Variants in MSH6 observed in about 807,000 individuals in gnomAD.
MSH6 encodes mutS homolog 6.
Under a neutral mutation model 119.1 loss-of-function variants are expected in MSH6, and 85 were observed. The observed-to-expected ratio is 0.71, with a 90% CI of 0.60 to 0.85. The LOEUF is 0.85. MSH6 is among the 40% of genes least tolerant of loss of function. The probability of loss-of-function intolerance (pLI) is 0.00; values close to 1 mark genes in which losing one functional copy is unlikely to be tolerated. For synonymous variants in MSH6, 830 were observed against 586.9 expected (o/e 1.41, Z -5.99); for missense variants, 2,163 against 1,655.3 (o/e 1.31, Z -5.32).
chr2:47,794,698 A>G (rs1489848221), intron 2 of MSH6, among the ~76,000 whole-genome samples: 1 of 152,116 alleles, frequency 6.6e-6, no homozygotes, highest in African/African-American at 2.4e-5. Context: ...TTATTCTTTT[A>G]TTTATTTAGA....
Position 47,806,221 on chromosome 2 carries a change from T to G in MSH6, c.3664T>G (p.Phe1222Val), listed in dbSNP as rs775265464. Residue 1222 changes from phenylalanine (F) to valine (V), a missense_variant, in exon 8 of 10, where the codon TTT becomes GTT. Coordinates refer to ENST00000234420, the MANE Select transcript of MSH6 (RefSeq NM_000179.3). ...TTTAACAGGAAGAGGTACTGCAACATTTGATGGGACGGCAATAGCAAATGC... is the reference window on the plus strand; with the variant it reads ...TTTAACAGGAAGAGGTACTGCAACAGTTGATGGGACGGCAATAGCAAATGC... ...VDELGRGTAT[F>V]DGTAIANAVV... 1 of 1,614,086 alleles carries G rather than the reference T, an allele frequency of 6.2e-7. No individual in the cohort carries two copies. The highest frequency in any genetic ancestry group is 8.5e-7 in the Non-Finnish European group (1 of 1,179,974).
intron 2 of MSH6, among the ~76,000 whole-genome samples, chr2:47,793,751 A>G (rs1668900344): frequency 1.3e-5 from 2 of 150,048 alleles, no homozygotes; most frequent in African/African-American, 4.9e-5. Flanking sequence ...TTTTTTTTGC[A>G]GCGGAGTCCA....
chr2:47,808,849 T>G, downstream of MSH6: 1 of 271,200 alleles, frequency 3.7e-6, no homozygotes, highest in Non-Finnish European at 6.9e-6. Flanking sequence ...CATTAGGTTT[T>G]TCCATAGTTA....
rs1558661621 is a variant in MSH6, at chr2:47,799,403, G to C, written c.1420G>C (p.Val474Leu). Residue 474 changes from valine (V) to leucine (L), a missense_variant, in exon 4 of 10, where the codon GTG (valine) becomes CTG (leucine). Coordinates refer to ENST00000234420, the MANE Select transcript of MSH6 (RefSeq NM_000179.3). The part of the protein sequence containing the change: ...IAFGRYSDSL[V>L]QKGYKVARVE... ...ATTTGGCCGTTATTCAGATTCCCTG[G>C]TGCAGAAGGGCTATAAAGTAGCACG... The C allele has an allele frequency of 2.5e-6, 4 of 1,614,112 alleles. No homozygotes were observed. The highest frequency in any genetic ancestry group is 3.3e-5 in the Admixed American group (2 of 60,010).
intron 2 of MSH6, among the ~76,000 whole-genome samples, chr2:47,794,277 T>G (rs1462744646): frequency 2.0e-5 from 3 of 151,828 alleles, no homozygotes; most frequent in East Asian, 4.0e-4. Flanking sequence ...GTCAGTTTCT[T>G]TTTTCTTTTT....
In MSH6 at chr2:47,784,143, GCGCGGGGGGGTGTGTCACCATGGGGAC is replaced by G. The variant is rs1454561856; in HGVS notation, c.260+658_260+684del. On this transcript the variant is annotated intron_variant, in intron 1 of 9. Coordinates refer to ENST00000234420, the MANE Select transcript of MSH6 (RefSeq NM_000179.3). ...CGAGGGGGTGGGCCACGAGCTGCGA[GCGCGGGGGGGTGTGTCACCATGGGGAC>G]CGCGGGGCCTAATTGGGCGGGGCGG... The G allele has an allele frequency of 1.1e-5, 11 of 1,004,368 alleles. No homozygotes were observed. In the African/African-American group the frequency reaches 1.6e-4, roughly 14 times the overall value. The allele number at this position is 1,004,368 out of a possible 1,614,324, so 62.2% of individuals were successfully genotyped here. A position where few individuals can be genotyped will look rare whatever the true frequency, so the allele number is the denominator to read the frequency against.
rs3211299 is a variant in MSH6 at position 47,791,097 on chromosome 2, G to T, written c.431G>T (p.Ser144Ile). ...FDDSPTRGWV[S>I]KRLLKPYTGS... Reference sequence around the variant, plus strand: ...GACAGCCCAACAAGGGGCTGGGTTAGCAAAAGGCTTTTAAAGCCATATACA... The same window carrying T: ...GACAGCCCAACAAGGGGCTGGGTTATCAAAAGGCTTTTAAAGCCATATACA... The change falls in exon 2 of 10, where the codon AGC (serine) becomes ATC (isoleucine). Residue 144 changes from serine (S) to isoleucine (I), a missense_variant. Ser to Ile is a moderately radical substitution (Grantham distance 142, BLOSUM62 -2). Coordinates refer to ENST00000234420, the MANE Select transcript of MSH6 (RefSeq NM_000179.3). The T allele has an allele frequency of 1.9e-3, 2,988 of 1,614,160 alleles. 7 individuals are homozygous for T. Among genetic ancestry groups the T allele is most frequent in the Non-Finnish European group, 2.2e-3 (2,623 of 1,180,024 alleles).
rs148687046 is a variant in MSH6 at position 47,805,101 on chromosome 2, A to G, written c.3556+74A>G. The G allele has an allele frequency of 7.8e-4, 778 of 1,000,814 alleles. No homozygotes were observed. The highest frequency in any genetic ancestry group is 1.1e-3 in the Non-Finnish European group (714 of 623,190). The allele number at this position is 1,000,814 out of a possible 1,614,324, so 62.0% of individuals were successfully genotyped here. A position where few individuals can be genotyped will look rare whatever the true frequency, so the allele number is the denominator to read the frequency against. ...GATAAAAGATATTTGCTTCTTGTAT[A>G]TGAGCCTTTTAAATCTAATATTTGA... On this transcript the variant is annotated intron_variant, in intron 6 of 9. Transcript: ENST00000234420.
In MSH6 at chr2:47,806,828, C is replaced by CATAAATTGCTGACTTTGATT. The variant is rs2104583465; in HGVS notation, c.4053_4072dup (p.Lys1358IlefsTer4). ...GTCAACTGTAGATGCTGAAGCTGTC[C>CATAAATTGCTGACTTTGATT]ATAAATTGCTGACTTTGATTAAGGA... is the stretch of plus-strand genomic sequence containing the variant. On this transcript the variant is annotated frameshift_variant, in exon 10 of 10. Coordinates refer to ENST00000234420, the MANE Select transcript of MSH6 (RefSeq NM_000179.3). LOFTEE classifies it high-confidence loss of function. 6.2e-7 allele frequency: 1 copy of CATAAATTGCTGACTTTGATT among 1,610,990 alleles called. No homozygotes were observed. Among genetic ancestry groups the CATAAATTGCTGACTTTGATT allele is most frequent in the Non-Finnish European group, 8.5e-7 (1 of 1,179,036 alleles).
chr2:47,806,926 T>G lies in MSH6; in HGVS notation c.*66T>G. Reference sequence around the variant, plus strand: ...GTGGTAAATTCAGACAACATTATGATCTAATAAACTTTATTTTTTAAAAAT... The same window carrying G: ...GTGGTAAATTCAGACAACATTATGAGCTAATAAACTTTATTTTTTAAAAAT... On this transcript the variant is annotated 3_prime_UTR_variant, in exon 10 of 10. Transcript: ENST00000234420. 8.6e-7 allele frequency: 1 copy of G among 1,169,218 alleles called. No homozygotes were observed. 72.4% of individuals were successfully genotyped at this position (1,169,218 alleles called of 1,614,324 possible).
intron 4 of MSH6, chr2:47,801,480 A>G (rs1440256044): frequency 4.1e-5 from 12 of 290,214 alleles, no homozygotes; most frequent in Non-Finnish European, 1.3e-5. Flanking sequence ...TGATCTTTCC[A>G]CCTCAGCCTC....
chr2:47,788,163 A>G (rs1034442993), intron 1 of MSH6, among the ~76,000 whole-genome samples: 1 of 151,050 alleles, frequency 6.6e-6, no homozygotes, highest in Non-Finnish European at 1.5e-5. Flanking sequence ...GCTTTTTAGC[A>G]TTGGAGGAAC....
chr2:47,784,295 A>G (rs1668211879), intron 1 of MSH6: 1 of 948,586 alleles, frequency 1.1e-6, no homozygotes, highest in African/African-American at 1.8e-5. Context: ...GTATGTGGAA[A>G]TTCGTGTCGA....
intron 3 of MSH6, 86 bp downstream of exon 3, chr2:47,796,149 T>TAA: frequency 7.5e-7 from 1 of 1,341,672 alleles, no homozygotes; most frequent in Non-Finnish European, 1.1e-6. Flanking sequence ...GATACCTTGT[T>TAA]TTATATATGT....
intron 1 of MSH6, 68 bp downstream of exon 1, chr2:47,783,561 A>C: frequency 7.9e-7 from 1 of 1,264,810 alleles, no homozygotes; most frequent in Non-Finnish European, 1.0e-6. Flanking sequence ...CGGCGAGGGG[A>C]GGCTCGCACA....
At chr2:47,793,630 A>AATAG (rs1169285405) in intron 2 of MSH6, among the ~76,000 whole-genome samples, 1 of 151,216 alleles carries the variant, frequency 6.6e-6, no homozygotes, top group Non-Finnish European at 1.5e-5. Context: ...TAAATAAATA[A>AATAG]ATAAAATAAA....
In MSH6 at chr2:47,806,652, GTAACTAAC is replaced by G. The variant is rs267608132; in HGVS notation, c.4001+8_4001+15del. The G allele has an allele frequency of 6.2e-7, 1 of 1,607,174 alleles. No homozygotes were observed. Among genetic ancestry groups the G allele is most frequent in the African/African-American group, 1.3e-5 (1 of 74,818 alleles). ...TGAATCAGTCACTACGATTATTTCG[GTAACTAAC>G]TAACTATAATGGAATTATAACTAAC... On this transcript the variant is annotated splice_donor_variant and splice_donor_5th_base_variant and intron_variant, in intron 9 of 9. Coordinates refer to ENST00000234420, the MANE Select transcript of MSH6 (RefSeq NM_000179.3). LOFTEE classifies it high-confidence loss of function.
chr2:47,807,058 T>C (rs1362780440), downstream of MSH6: 5 of 588,528 alleles, frequency 8.5e-6, no homozygotes, highest in African/African-American at 1.9e-5. Flanking sequence ...CTAGATGTTA[T>C]GGTACATGCA....
chr2:47,799,738 A>G lies in MSH6; in HGVS notation c.1755A>G (p.Leu585=), dbSNP rs761231891. The change falls in exon 4 of 10, where the codon CTA becomes CTG. Residue 585 remains leucine (L), a synonymous_variant. Transcript: ENST00000234420. ...GCCATTGTTCGAGATTTAGGACTCT[A>G]GTGGCACACTATCCCCCAGTACAAG... is the stretch of plus-strand genomic sequence containing the variant. The part of the protein sequence containing the change: ...DDRHCSRFRT[L]VAHYPPVQVL... 2 of 1,614,194 alleles carry G rather than the reference A, an allele frequency of 1.2e-6. No homozygotes were observed. Among genetic ancestry groups the G allele is most frequent in the Non-Finnish European group, 8.5e-7 (1 of 1,180,030 alleles).
Sources: gnomAD v4.1 joint callset for allele counts (sites outside exome capture counted in the v4.1 genomes callset) on GRCh38, gnomAD v4.1.1 for gene constraint, MANE v1.5 for transcripts, NCBI Gene and HGNC (gene_info 2026-07-23, HGNC 2026-07-21) for gene names.